The following NEGR1 variants were observed in gnomAD, a reference collection of about 807,000 sequenced individuals.
NEGR1 encodes neuronal growth regulator 1, also known as IgLON family member 4.
In NEGR1, 10 loss-of-function variants were observed where a neutral mutation model predicts 40.9. The observed-to-expected ratio is 0.24, with a 90% CI of 0.15 to 0.42. NEGR1 has a LOEUF of 0.42. Ranked by LOEUF, NEGR1 falls within the 10% of genes least tolerant of loss-of-function variation. The pLI is 1.00. For missense variants in NEGR1, 352 were observed against 438.9 expected, an observed-to-expected ratio of 0.80 and a Z score of 1.77; for synonymous variants, 185 against 166.8, an observed-to-expected ratio of 1.11 and a Z score of -0.84.
intron 1 of NEGR1, among the ~76,000 whole-genome samples, chr1:72,124,635 G>A (rs1272701445): frequency 6.6e-6 from 1 of 151,954 alleles, no homozygotes; most frequent in Non-Finnish European, 1.5e-5. Context: ...AAATTAGCAG[G>A]GACCTAATTC....
At chr1:71,622,865 A>G (rs547423023) in intron 4 of NEGR1, among the ~76,000 whole-genome samples, 1 of 151,868 alleles carries the variant, frequency 6.6e-6, no homozygotes, top group African/African-American at 2.4e-5. Flanking sequence ...GTAAATCCAA[A>G]GGCAGAAGGG....
chr1:72,013,927 G>T (rs1199881305), intron 1 of NEGR1, among the ~76,000 whole-genome samples: 1 of 130,882 alleles, frequency 7.6e-6, no homozygotes, highest in African/African-American at 2.9e-5. Flanking sequence ...AAGTGTGTGG[G>T]AAGAATACAA....
Position 71,405,469 on chromosome 1 carries a change from CAAAT to C in NEGR1, c.*1973_*1976del, listed in dbSNP as rs1254435306. The C allele has an allele frequency of 6.6e-6, 1 of 151,934 alleles. No homozygotes were observed. The highest frequency in any genetic ancestry group is 1.5e-5 in the Non-Finnish European group (1 of 67,688). 9.4% of individuals were successfully genotyped at this position (151,934 alleles called of 1,614,324 possible). On this transcript the variant is annotated 3_prime_UTR_variant, in exon 7 of 7. Transcript: ENST00000357731. ...TTCCACAAAGAATATTTCTTAAAAG[CAAAT>C]AAATAATAAAGTTAAATGCCATATT... is the stretch of plus-strand genomic sequence containing the variant.
At chr1:71,867,349 T>C (rs938281003) in intron 2 of NEGR1, among the ~76,000 whole-genome samples, 4 of 152,152 alleles carry the variant, frequency 2.6e-5, no homozygotes, top group African/African-American at 9.7e-5. Context: ...ACCGCCACCC[T>C]GGGCGAAAGA....
At chr1:71,614,445 A>G (rs958204368) in intron 4 of NEGR1, among the ~76,000 whole-genome samples, 4 of 152,218 alleles carry the variant, frequency 2.6e-5, no homozygotes, top group Non-Finnish European at 5.9e-5. Context: ...AGCCAATTAA[A>G]TATATTAAAA....
intron 2 of NEGR1, among the ~76,000 whole-genome samples, chr1:71,817,228 C>G (rs1658256500): frequency 6.6e-6 from 1 of 152,038 alleles, no homozygotes; most frequent in African/African-American, 2.4e-5. Flanking sequence ...GGTGAGCAGA[C>G]TGCCTCCAGC....
chr1:71,755,972 T>C (rs2101693007), intron 3 of NEGR1, among the ~76,000 whole-genome samples: 1 of 152,314 alleles, frequency 6.6e-6, no homozygotes, highest in Admixed American at 6.5e-5. Context: ...AATCTATTTT[T>C]GCAAAACATG....
At chr1:72,072,245 T>C (rs576935414) in intron 1 of NEGR1, among the ~76,000 whole-genome samples, 6 of 152,142 alleles carry the variant, frequency 3.9e-5, no homozygotes, top group Non-Finnish European at 7.4e-5. Context: ...TTTAAAATAC[T>C]GTGCTGTAAG....
intron 1 of NEGR1, among the ~76,000 whole-genome samples, chr1:72,198,922 AG>A (rs1653099255): frequency 6.6e-6 from 1 of 152,096 alleles, no homozygotes; most frequent in African/African-American, 2.4e-5. Flanking sequence ...TCTATGTTTA[AG>A]TTCCTCTTAT....
At chr1:71,450,555 CCAG>C (rs1646619612) in intron 6 of NEGR1, among the ~76,000 whole-genome samples, 1 of 151,542 alleles carries the variant, frequency 6.6e-6, no homozygotes, top group Non-Finnish European at 1.5e-5. Flanking sequence ...GCCTGTAATC[CCAG>C]CACTTTGGGA....
chr1:71,840,725 G>A (rs1239541710), intron 2 of NEGR1, among the ~76,000 whole-genome samples: 1 of 152,152 alleles, frequency 6.6e-6, no homozygotes, highest in African/African-American at 2.4e-5. Flanking sequence ...TTAATTTTAT[G>A]AGTCAGGTTG....
At chr1:71,610,956 G>A in intron 5 of NEGR1, 70 bp downstream of exon 5, 1 of 1,513,322 alleles carries the variant, frequency 6.6e-7, no homozygotes, top group Non-Finnish European at 9.1e-7. Flanking sequence ...ATTGCCTAAA[G>A]TAAGTATCTG....
intron 4 of NEGR1, among the ~76,000 whole-genome samples, chr1:71,633,556 G>T (rs1651045335): frequency 6.6e-6 from 1 of 152,148 alleles, no homozygotes; most frequent in Admixed American, 6.6e-5. Flanking sequence ...CCTGAGGGAA[G>T]AAATTAACTA....
intron 3 of NEGR1, among the ~76,000 whole-genome samples, chr1:71,763,746 AGTGTGTGTGT>A (rs55890627): frequency 2.5e-4 from 37 of 150,084 alleles, no homozygotes; most frequent in African/African-American, 8.1e-4. Context: ...CATATTTAGG[AGTGTGTGTGT>A]GTGTGTGTGT....
chr1:72,059,041 T>C (rs1647140939), intron 1 of NEGR1, among the ~76,000 whole-genome samples: 1 of 151,686 alleles, frequency 6.6e-6, no homozygotes, highest in Admixed American at 6.6e-5. Context: ...AACTAGAACC[T>C]TGTCTTTCAG....
chr1:71,715,678 G>A (rs1176894426), intron 3 of NEGR1, among the ~76,000 whole-genome samples: 2 of 152,278 alleles, frequency 1.3e-5, no homozygotes, highest in South Asian at 2.1e-4. Flanking sequence ...AATGTCACCA[G>A]TCTCTCAGCT....
chr1:72,159,517 AG>A (rs1651479061), intron 1 of NEGR1, among the ~76,000 whole-genome samples: 1 of 152,162 alleles, frequency 6.6e-6, no homozygotes, highest in African/African-American at 2.4e-5. Context: ...TTCAGTAAAG[AG>A]GAAAATCACT....
intron 3 of NEGR1, among the ~76,000 whole-genome samples, chr1:71,744,562 T>A (rs1261996757): frequency 6.6e-6 from 1 of 152,040 alleles, no homozygotes; most frequent in Non-Finnish European, 1.5e-5. Context: ...AGTTCCCTTT[T>A]AAGATCTTTG....
chr1:71,573,885 G>A (rs1648879512), intron 6 of NEGR1, among the ~76,000 whole-genome samples: 1 of 152,040 alleles, frequency 6.6e-6, no homozygotes. Context: ...CTATTTAATG[G>A]AGTGTGGCCC....
Sources: allele counts gnomAD v4.1 joint callset (sites outside exome capture counted in the v4.1 genomes callset), GRCh38; gene constraint gnomAD v4.1.1; transcripts MANE v1.5; gene names NCBI Gene and HGNC (gene_info 2026-07-23, HGNC 2026-07-21).